Variants in BTAF1 observed in about 807,000 individuals in gnomAD.
The protein encoded by BTAF1 is B-TFIID TATA-box binding protein associated factor 1, also known as TATA-binding protein-associated factor 172.
Under a neutral mutation model 227.1 loss-of-function variants are expected in BTAF1, and 38 were observed. The ratio of observed to expected loss-of-function variants is 0.17; its 90% CI spans 0.13 to 0.22. The LOEUF (loss-of-function observed/expected upper bound fraction) is 0.22, where lower values mean the gene tolerates loss of function less well. BTAF1 is among the 10% of genes least tolerant of loss of function. The probability of loss-of-function intolerance (pLI) is 1.00; values close to 1 mark genes in which losing one functional copy is unlikely to be tolerated. For synonymous variants in BTAF1, 742 were observed against 751.9 expected (o/e 0.99, Z 0.21); for missense variants, 1,598 against 2,204.0 (o/e 0.73, Z 5.51).
intron 1 of BTAF1, among the ~76,000 whole-genome samples, chr10:91,933,116 C>T (rs1243243154): frequency 6.6e-6 from 1 of 152,150 alleles, no homozygotes; most frequent in East Asian, 1.9e-4. Context: ...GCCACTGTAA[C>T]CCTAGCTTGA....
At chr10:91,952,692 T>A (rs982893486) in intron 5 of BTAF1, among the ~76,000 whole-genome samples, 2 of 151,900 alleles carry the variant, frequency 1.3e-5, no homozygotes, top group Non-Finnish European at 2.9e-5. Flanking sequence ...ATGAGTAACT[T>A]CTGCAGACAA....
chr10:91,948,950 C>G (rs1318031598), intron 4 of BTAF1, among the ~76,000 whole-genome samples: 1 of 152,000 alleles, frequency 6.6e-6, no homozygotes, highest in Non-Finnish European at 1.5e-5. Flanking sequence ...ACCAAGGTAT[C>G]CTATCTTTCA....
At chr10:91,991,789 GTGTGTGTGTATATATATA>G (rs367968916) in intron 20 of BTAF1, among the ~76,000 whole-genome samples, 161 of 77,806 alleles carry the variant, frequency 2.1e-3, no homozygotes, top group South Asian at 4.6e-3. Flanking sequence ...GTGTGTGTGT[GTGTGTGTGTATATATATA>G]TATATATATA....
intron 28 of BTAF1, among the ~76,000 whole-genome samples, chr10:92,010,102 C>A (rs1404862254): frequency 6.6e-6 from 1 of 151,712 alleles, no homozygotes; most frequent in Non-Finnish European, 1.5e-5. Context: ...GAAAAAAAAA[C>A]TAAACAAAAA....
rs12774665 is a variant in BTAF1 at position 91,959,330 on chromosome 10, G to T, written c.990+176G>T. 483,079 of 1,343,838 alleles carry T rather than the reference G, an allele frequency of 0.36. 91,728 individuals are homozygous for T. Among genetic ancestry groups the T allele is most frequent in the South Asian group, 0.5 (30,961 of 61,862 alleles). The allele number at this position is 1,343,838 out of a possible 1,614,324, so 83.2% of individuals were successfully genotyped here. A position where few individuals can be genotyped will look rare whatever the true frequency, so the allele number is the denominator to read the frequency against. ...AAAAGTAGAGTAAGATGAATAAGAG[G>T]CTAGTTGAGAGGTCAGTGAGCAACA... On this transcript the variant is annotated intron_variant, in intron 9 of 37. Transcript: ENST00000265990.
chr10:92,001,715 C>A (rs1017157978), intron 25 of BTAF1, among the ~76,000 whole-genome samples: 1 of 151,918 alleles, frequency 6.6e-6, no homozygotes, highest in Non-Finnish European at 1.5e-5. Flanking sequence ...GTTTGACATT[C>A]ACCAAAAAAT....
At chr10:92,027,651 A>G (rs1462461331) in intron 37 of BTAF1, among the ~76,000 whole-genome samples, 2 of 152,142 alleles carry the variant, frequency 1.3e-5, no homozygotes, top group South Asian at 2.1e-4. Flanking sequence ...CTGAGCTTCT[A>G]TACCTATTTT....
At chr10:91,968,537 C>G (rs1847081104) in intron 14 of BTAF1, among the ~76,000 whole-genome samples, 1 of 152,120 alleles carries the variant, frequency 6.6e-6, no homozygotes. Flanking sequence ...ATTAAGTTTT[C>G]AACTCACTTG....
At chr10:91,967,824 C>A (rs12774295) in intron 14 of BTAF1, among the ~76,000 whole-genome samples, 45,986 of 151,980 alleles carry the variant, frequency 0.3, 8,540 homozygotes, top group South Asian at 0.52. Flanking sequence ...TTTATGTAGA[C>A]CCTTTGAAGT....
At chr10:91,957,172 T>C in intron 7 of BTAF1, 53 bp from the exon 8 acceptor site, 1 of 1,405,922 alleles carries the variant, frequency 7.1e-7, no homozygotes, top group Admixed American at 1.8e-5. Flanking sequence ...ACTTAAATTG[T>C]TAGCATAAAA....
chr10:91,980,647 A>C (rs1847994789), intron 15 of BTAF1, 89 bp downstream of exon 15: 1 of 982,730 alleles, frequency 1.0e-6, no homozygotes, highest in Admixed American at 2.0e-5. Context: ...TTGGTCATTC[A>C]TATCTCATGG....
chr10:91,994,687 AGTG>A lies in BTAF1; in HGVS notation c.3309+46_3309+48del, dbSNP rs1849019714. 5 of 1,506,296 alleles carry A rather than the reference AGTG, an allele frequency of 3.3e-6. No homozygotes were observed. The East Asian group carries it at 1.1e-4, about 34-fold the overall frequency. The allele number at this position is 1,506,296 out of a possible 1,614,324, so 93.3% of individuals were successfully genotyped here. A position where few individuals can be genotyped will look rare whatever the true frequency, so the allele number is the denominator to read the frequency against. ...GTGTAATATTTCTTCAAATAAAACA[AGTG>A]GTCTTATTAAAAAGTCTTAAGGTTT... On this transcript the variant is annotated intron_variant, in intron 23 of 37. Transcript: ENST00000265990.
intron 25 of BTAF1, among the ~76,000 whole-genome samples, chr10:92,005,800 TAGTG>T (rs1257838993): frequency 6.6e-6 from 1 of 152,156 alleles, no homozygotes; most frequent in Non-Finnish European, 1.5e-5. Context: ...AACAATGTGT[TAGTG>T]AGAAGAGTGA....
intron 5 of BTAF1, among the ~76,000 whole-genome samples, chr10:91,952,448 T>A (rs899285425): frequency 6.6e-6 from 1 of 152,218 alleles, no homozygotes. Flanking sequence ...ACATGTGAGA[T>A]ATTACATCTC....
rs1851866895 is a variant in BTAF1, at chr10:92,031,070, C to CTAT, written c.*2139_*2141dup. Among the ~76,000 whole-genome samples the CTAT allele has an allele frequency of 6.6e-6, 1 of 152,126 alleles. No homozygotes were observed. The highest frequency in any genetic ancestry group is 1.9e-4 in the East Asian group (1 of 5,194). ...TCAAACAAGCATGATAGAATGTTAA[C>CTAT]TATTTTAAACTGGGAATTGGGTTCA... On this transcript the variant is annotated 3_prime_UTR_variant, in exon 38 of 38. Transcript: ENST00000265990.
At chr10:91,994,697 T>C in intron 23 of BTAF1, 53 bp downstream of exon 23, 1 of 1,450,978 alleles carries the variant, frequency 6.9e-7, no homozygotes, top group Non-Finnish European at 9.6e-7. Context: ...AGTGGTCTTA[T>C]TAAAAAGTCT....
chr10:91,991,271 A>AAATAT (rs1564699928), intron 20 of BTAF1, among the ~76,000 whole-genome samples: 1 of 66,230 alleles, frequency 1.5e-5, no homozygotes, highest in Non-Finnish European at 3.7e-5. Context: ...TATAAATATA[A>AAATAT]ATATATATAT....
Position 91,960,190 on chromosome 10 carries a change from G to GT in BTAF1, c.1263+42dup, listed in dbSNP as rs747696060. ...CAAGTTTTGAAGCTTATGTGGGAGA[G>GT]TTTTTTCCCCCTTATAGTTTATTTT... is the stretch of plus-strand genomic sequence containing the variant. On this transcript the variant is annotated intron_variant, in intron 11 of 37. Transcript: ENST00000265990. The GT allele has an allele frequency of 6.1e-5, 97 of 1,591,964 alleles. No homozygotes were observed. In the South Asian group the frequency reaches 6.7e-4, roughly 11 times the overall value.
At chr10:91,997,239 A>T in intron 24 of BTAF1, 1 of 941,814 alleles carries the variant, frequency 1.1e-6, no homozygotes, top group Non-Finnish European at 1.5e-6. Context: ...TCTTTGAGTG[A>T]CACTCAGTTA....
Sources: allele counts gnomAD v4.1 joint callset (sites outside exome capture counted in the v4.1 genomes callset), GRCh38; gene constraint gnomAD v4.1.1; transcripts MANE v1.5; gene names NCBI Gene and HGNC (gene_info 2026-07-23, HGNC 2026-07-21).